Variants in PTPRC observed in about 807,000 individuals in gnomAD.
The protein encoded by PTPRC is protein tyrosine phosphatase receptor type C.
In PTPRC, 44 loss-of-function variants were observed where a neutral mutation model predicts 155.9. That is an observed-to-expected ratio of 0.28 (90% CI 0.22 to 0.36). PTPRC has a LOEUF of 0.36. PTPRC is among the 10% of genes least tolerant of loss of function. The pLI is 1.00. For missense variants in PTPRC, 1,401 were observed against 1,564.6 expected (o/e 0.90, Z 1.76); for synonymous variants, 525 against 533.1 (o/e 0.98, Z 0.21).
chr1:198,718,647 A>C (rs1653723300), intron 14 of PTPRC, among the ~76,000 whole-genome samples: 2 of 152,278 alleles, frequency 1.3e-5, no homozygotes, highest in Non-Finnish European at 1.5e-5. Context: ...TATCTTTATT[A>C]ATGTGGAATT....
At position 198,752,298 on chromosome 1, in the gene PTPRC, T is replaced by C. The variant is rs766956245; in HGVS notation, c.3257T>C (p.Ile1086Thr). 1.1e-5 allele frequency: 17 copies of C among 1,611,800 alleles called. No individual in the cohort carries two copies. Among genetic ancestry groups the C allele is most frequent in the East Asian group, 2.2e-5 (1 of 44,736 alleles). ...WGEGKQTYGD[I>T]EVDLKDTDKS... ...GAAGGAAAGCAAACATATGGAGATA[T>C]TGAAGTTGACCTGAAAGACACAGAC... Residue 1086 changes from isoleucine (I) to threonine (T), a missense_variant, in exon 30 of 33, where the codon ATT becomes ACT. Ile to Thr is a moderately conservative substitution (Grantham distance 89, BLOSUM62 -1). Transcript: ENST00000442510.
intron 29 of PTPRC, 71 bp downstream of exon 29, chr1:198,750,697 T>C: frequency 2.6e-6 from 4 of 1,561,852 alleles, no homozygotes; most frequent in Non-Finnish European, 3.5e-6. Context: ...TTGGATTGCT[T>C]GCTTCATCGC....
Position 198,752,611 on chromosome 1 carries a change from T to G in PTPRC, c.3348T>G (p.Thr1116=), listed in dbSNP as rs778538889. The part of the protein sequence containing the change: ...LRHSKRKDSR[T]VYQYQYTNWS... ...GATTTTAGAGGAAAGACTCTCGAAC[T>G]GTGTACCAGTACCAATATACAAACT... is the stretch of plus-strand genomic sequence containing the variant. Residue 1116 remains threonine, a synonymous_variant, in exon 31 of 33, where the codon ACT becomes ACG. Coordinates refer to ENST00000442510, the MANE Select transcript of PTPRC (RefSeq NM_002838.5). 8.7e-6 allele frequency: 14 copies of G among 1,612,504 alleles called. No individual in the cohort carries two copies. The highest frequency in any genetic ancestry group is 1.3e-5 in the African/African-American group (1 of 74,954).
chr1:198,672,960 G>T, intron 2 of PTPRC, among the ~76,000 whole-genome samples: 1 of 152,138 alleles, frequency 6.6e-6, no homozygotes, highest in South Asian at 2.1e-4. Context: ...GTAGAAGAGG[G>T]CCTTCATTAT....
chr1:198,689,173 C>T (rs1269152778), intron 2 of PTPRC, among the ~76,000 whole-genome samples: 1 of 152,058 alleles, frequency 6.6e-6, no homozygotes, highest in African/African-American at 2.4e-5. Flanking sequence ...TAATATACAT[C>T]ATGTATTTCT....
intron 2 of PTPRC, among the ~76,000 whole-genome samples, chr1:198,647,333 A>G (rs1662996601): frequency 6.6e-6 from 1 of 151,994 alleles, no homozygotes; most frequent in Middle Eastern, 3.4e-3. Context: ...CTTATTTGCC[A>G]GTGCCTGCAG....
intron 2 of PTPRC, among the ~76,000 whole-genome samples, chr1:198,650,692 C>A (rs1475973441): frequency 1.3e-5 from 2 of 151,702 alleles, no homozygotes; most frequent in African/African-American, 2.4e-5. Flanking sequence ...ACATAGGAGT[C>A]ATTGCATTCA....
chr1:198,672,563 G>A (rs188806408), intron 2 of PTPRC, among the ~76,000 whole-genome samples: 1 of 152,238 alleles, frequency 6.6e-6, no homozygotes, highest in Admixed American at 6.5e-5. Context: ...TCCACCTCCA[G>A]GGTTCAAGCG....
intron 2 of PTPRC, among the ~76,000 whole-genome samples, chr1:198,651,621 C>T (rs1663257520): frequency 6.6e-6 from 1 of 151,712 alleles, no homozygotes; most frequent in Admixed American, 6.6e-5. Flanking sequence ...TTACTCTGTG[C>T]CAGGCACTTC....
chr1:198,679,186 G>T, intron 2 of PTPRC: 1 of 207,730 alleles, frequency 4.8e-6, no homozygotes, highest in Admixed American at 4.4e-5. Context: ...GTCCCACTCA[G>T]CCTGGTAACG....
chr1:198,651,061 CT>C (rs1450694097), intron 2 of PTPRC, among the ~76,000 whole-genome samples: 1 of 151,700 alleles, frequency 6.6e-6, no homozygotes, highest in East Asian at 1.9e-4. Context: ...AATTAGATGT[CT>C]TTACCTAATA....
At position 198,696,815 on chromosome 1, in the gene PTPRC, C is replaced by T. The variant is rs759560457; in HGVS notation, c.204C>T (p.Asp68=). 4 of 1,613,914 alleles carry T rather than the reference C, an allele frequency of 2.5e-6. No homozygotes were observed. The highest frequency in any genetic ancestry group is 3.3e-5 in the Admixed American group (2 of 60,030). Residue 68 remains aspartate, a synonymous_variant, in exon 4 of 33, where the codon GAC becomes GAT. Transcript: ENST00000442510. The part of the protein sequence containing the change: ...SPASTFEREN[D]FSETTTSLSP... ...CAAGCACCTTTGAAAGAGAAAATGACTTCTCAGAGACCACAACTTCTCTTA... is the reference window on the plus strand; with the variant it reads ...CAAGCACCTTTGAAAGAGAAAATGATTTCTCAGAGACCACAACTTCTCTTA...
chr1:198,696,839 T>C lies in PTPRC; in HGVS notation c.228T>C (p.Leu76=), dbSNP rs374486098. ...ACTTCTCAGAGACCACAACTTCTCT[T>C]AGTCCAGACAATACTTCCACCCAAG... ...ENDFSETTTS[L]SPDNTSTQVS... The change falls in exon 4 of 33, where the codon CTT becomes CTC. Residue 76 remains leucine (L), a synonymous_variant. Coordinates refer to ENST00000442510, the MANE Select transcript of PTPRC (RefSeq NM_002838.5). 6.2e-7 allele frequency: 1 copy of C among 1,613,950 alleles called. No homozygotes were observed. The highest frequency in any genetic ancestry group is 1.3e-5 in the African/African-American group (1 of 74,932).
chr1:198,669,866 C>T (rs1481673904), intron 2 of PTPRC, among the ~76,000 whole-genome samples: 1 of 152,096 alleles, frequency 6.6e-6, no homozygotes, highest in African/African-American at 2.4e-5. Context: ...ACCCACTTCT[C>T]TTATTACTCT....
chr1:198,642,362 ATCTATCTG>A (rs968634505), intron 2 of PTPRC, among the ~76,000 whole-genome samples: 39 of 133,998 alleles, frequency 2.9e-4, no homozygotes, highest in African/African-American at 9.6e-4. Context: ...TAGTCAATCT[ATCTATCTG>A]TCTATCTATC....
chr1:198,679,061 A>G (rs967118448), intron 2 of PTPRC: 1 of 174,132 alleles, frequency 5.7e-6, no homozygotes, highest in African/African-American at 2.4e-5. Flanking sequence ...GGAGAAATCT[A>G]TTATACATGC....
intron 31 of PTPRC, among the ~76,000 whole-genome samples, chr1:198,753,316 C>T (rs1571897233): frequency 6.6e-6 from 1 of 151,928 alleles, no homozygotes; most frequent in East Asian, 1.9e-4. Context: ...ATCAATAATA[C>T]TACTAGATTT....
chr1:198,716,021 T>C (rs574084445), intron 12 of PTPRC, among the ~76,000 whole-genome samples: 2 of 152,292 alleles, frequency 1.3e-5, no homozygotes, highest in African/African-American at 4.8e-5. Flanking sequence ...GCCAGAGCTG[T>C]TGTCCTGATC....
At chr1:198,720,727 C>A (rs1261446469) in intron 14 of PTPRC, among the ~76,000 whole-genome samples, 1 of 152,128 alleles carries the variant, frequency 6.6e-6, no homozygotes, top group Non-Finnish European at 1.5e-5. Flanking sequence ...TCATTTATAT[C>A]TTCTTTCAAT....
Sources: allele counts gnomAD v4.1 joint callset (sites outside exome capture counted in the v4.1 genomes callset), GRCh38; gene constraint gnomAD v4.1.1; transcripts MANE v1.5; gene names NCBI Gene and HGNC (gene_info 2026-07-23, HGNC 2026-07-21).